ZFAT: variants seen among roughly 807,000 people sequenced by gnomAD.
The protein encoded by ZFAT is zinc finger protein ZFAT.
In ZFAT, 64 loss-of-function variants were observed where a neutral mutation model predicts 117.7. The ratio of observed to expected loss-of-function variants is 0.54; its 90% confidence interval spans 0.44 to 0.67. ZFAT has a LOEUF of 0.67. ZFAT is among the 30% of genes least tolerant of loss of function. The pLI, the probability that ZFAT is intolerant of heterozygous loss-of-function variation, is 0.00. For missense variants in ZFAT, 1,433 were observed against 1,584.5 expected, an observed-to-expected ratio of 0.90 and a Z score of 1.62; for synonymous variants, 679 against 615.0, an observed-to-expected ratio of 1.10 and a Z score of -1.54.
At chr8:134,631,396 C>T (rs906986751) in intron 3 of ZFAT, among the ~76,000 whole-genome samples, 7 of 152,152 alleles carry the variant, frequency 4.6e-5, no homozygotes, top group Non-Finnish European at 8.8e-5. Flanking sequence ...AAGGCACAGA[C>T]GTGATAGAGC....
chr8:134,762,553 A>G, the ZFAT span, among the ~76,000 whole-genome samples: 2 of 151,928 alleles, frequency 1.3e-5, no homozygotes, highest in African/African-American at 4.8e-5. Context: ...TCTTCTCAGT[A>G]TTGTTTGCTA....
At position 134,610,666 on chromosome 8, in the gene ZFAT, A is replaced by G. The variant is rs1428977589; in HGVS notation, c.449-11T>C. 6.2e-7 allele frequency: 1 copy of G among 1,613,494 alleles called. No individual in the cohort carries two copies. Among genetic ancestry groups the G allele is most frequent in the Non-Finnish European group, 8.5e-7 (1 of 1,179,876 alleles). Reference sequence around the variant, plus strand: ...GGTCAGACTCGTTACCTAAGGAGCAAATACCAAGATGCATAAGGTATCCTT... The same window carrying G: ...GGTCAGACTCGTTACCTAAGGAGCAGATACCAAGATGCATAAGGTATCCTT... On this transcript the variant is annotated splice_polypyrimidine_tract_variant and intron_variant, in intron 3 of 15. Transcript: ENST00000377838.
intron 10 of ZFAT, among the ~76,000 whole-genome samples, chr8:134,582,479 C>T (rs1825779974): frequency 1.3e-5 from 2 of 152,206 alleles, no homozygotes; most frequent in Admixed American, 6.5e-5. Flanking sequence ...GGCAGCTGAG[C>T]GGTCAGTAAG....
chr8:134,766,912 G>C, the ZFAT span: 6 of 152,182 alleles, frequency 3.9e-5, no homozygotes, highest in African/African-American at 1.4e-4. Flanking sequence ...ACTACTGAAC[G>C]CTCAACTGCT....
At chr8:134,508,892 C>G (rs1819607106) in intron 15 of ZFAT, among the ~76,000 whole-genome samples, 1 of 152,134 alleles carries the variant, frequency 6.6e-6, no homozygotes, top group Non-Finnish European at 1.5e-5. Context: ...ATATATTTCC[C>G]TGGTTTTGAT....
the ZFAT span, among the ~76,000 whole-genome samples, chr8:134,826,917 C>A: frequency 2.6e-5 from 4 of 152,188 alleles, no homozygotes; most frequent in African/African-American, 9.7e-5. Context: ...GATGATCCAA[C>A]ACCTAACAGT....
At chr8:134,494,738 AAT>A (rs939770066) in intron 15 of ZFAT, among the ~76,000 whole-genome samples, 1 of 152,242 alleles carries the variant, frequency 6.6e-6, no homozygotes, top group African/African-American at 2.4e-5. Flanking sequence ...TTTTGTTTAA[AAT>A]ATGTTTATCA....
chr8:134,639,122 C>G (rs1269320523), intron 2 of ZFAT, among the ~76,000 whole-genome samples: 2 of 152,182 alleles, frequency 1.3e-5, no homozygotes, highest in African/African-American at 4.8e-5. Context: ...CACTTGTGCT[C>G]ACAAATCAGA....
chr8:134,719,080 G>T, the ZFAT span, among the ~76,000 whole-genome samples: 18 of 152,322 alleles, frequency 1.2e-4, no homozygotes, highest in African/African-American at 4.3e-4. Flanking sequence ...AAAGAAACCG[G>T]CTAGAGCAGA....
At position 134,602,818 on chromosome 8, in the gene ZFAT, A is replaced by T. The variant is rs752263323; in HGVS notation, c.901T>A (p.Cys301Ser). 1 of 1,614,168 alleles carries T rather than the reference A, an allele frequency of 6.2e-7. No homozygotes were observed. Among genetic ancestry groups the T allele is most frequent in the Non-Finnish European group, 8.5e-7 (1 of 1,180,030 alleles). ...GCACTGGCATAGCTGCACTGGGGGC[A>T]CTTGTATGGCTTTTCATTGGTGTGG... ...RIHTNEKPYK[C>S]PQCSYASAIK... Residue 301 changes from cysteine to serine, a missense_variant, in exon 6 of 16, where the codon TGC becomes AGC. Cys to Ser is a moderately radical substitution (Grantham distance 112). This residue lies in a region of ZFAT where 436 missense variants were observed against 482.0 expected (regional missense o/e 0.90). Coordinates refer to ENST00000377838, the MANE Select transcript of ZFAT (RefSeq NM_020863.4).
At chr8:134,742,538 C>G in the ZFAT span, among the ~76,000 whole-genome samples, 1 of 152,212 alleles carries the variant, frequency 6.6e-6, no homozygotes, top group Non-Finnish European at 1.5e-5. Context: ...CCATTATCCT[C>G]TGATCAGATT....
At position 134,653,763 on chromosome 8, in the gene ZFAT, T is replaced by C. The variant is rs544191292; in HGVS notation, c.196+3798A>G. ...AAAAAGAAATTAGGAGACATGTCGG[T>C]ACTGAAATGAAGAAATATCCAGTAC... is the stretch of plus-strand genomic sequence containing the variant. On this transcript the variant is annotated intron_variant, in intron 2 of 15. Transcript: ENST00000377838. Among the ~76,000 whole-genome samples the C allele has an allele frequency of 3.0e-3, 454 of 152,318 alleles. 4 individuals carry two copies. Among genetic ancestry groups the C allele is most frequent in the African/African-American group, 0.01 (428 of 41,576 alleles).
chr8:134,634,494 C>G (rs201750459), intron 3 of ZFAT, among the ~76,000 whole-genome samples: 1 of 151,782 alleles, frequency 6.6e-6, no homozygotes. Flanking sequence ...GCTTTCTGGG[C>G]GCAATATTAA....
intron 3 of ZFAT, among the ~76,000 whole-genome samples, chr8:134,628,524 G>A (rs887708283): frequency 5.3e-5 from 8 of 152,210 alleles, no homozygotes; most frequent in Non-Finnish European, 1.2e-4. Flanking sequence ...TAACGCTAGG[G>A]AGACAAGGTG....
chr8:134,735,225 T>C, the ZFAT span, among the ~76,000 whole-genome samples: 4 of 152,304 alleles, frequency 2.6e-5, no homozygotes, highest in Middle Eastern at 6.8e-3. Flanking sequence ...AAAATTTTGT[T>C]GATCTGGGCA....
chr8:134,581,263 G>C (rs1825691647), intron 10 of ZFAT, among the ~76,000 whole-genome samples: 1 of 151,860 alleles, frequency 6.6e-6, no homozygotes, highest in Non-Finnish European at 1.5e-5. Context: ...GCCAGTCCCA[G>C]GCAAAACATG....
rs188291706 is a variant in ZFAT at position 134,654,255 on chromosome 8, A to G, written c.196+3306T>C. Reference sequence around the variant, plus strand: ...CGTTGCAGTGAGCCAAGATCACGCCATTGCACTCCAGCTAGCTAGGTGACA... The same window carrying G: ...CGTTGCAGTGAGCCAAGATCACGCCGTTGCACTCCAGCTAGCTAGGTGACA... On this transcript the variant is annotated intron_variant, in intron 2 of 15. Transcript: ENST00000377838. 1.8e-3 allele frequency among the ~76,000 whole-genome samples: 269 copies of G among 152,286 alleles called. 2 individuals are homozygous for G. Among genetic ancestry groups the G allele is most frequent in the African/African-American group, 6.0e-3 (250 of 41,552 alleles).
At chr8:134,504,889 C>T (rs1819276509) in intron 15 of ZFAT, among the ~76,000 whole-genome samples, 1 of 152,098 alleles carries the variant, frequency 6.6e-6, no homozygotes. Context: ...GCTCCTGTAC[C>T]CACTCCTGCC....
chr8:134,573,025 G>A (rs1236196041), intron 10 of ZFAT, among the ~76,000 whole-genome samples: 1 of 152,216 alleles, frequency 6.6e-6, no homozygotes, highest in African/African-American at 2.4e-5. Context: ...ACTCTATGAA[G>A]TTCAAAGACA....
Sources: gnomAD v4.1 joint callset for allele counts (sites outside exome capture counted in the v4.1 genomes callset) on GRCh38, gnomAD v4.1.1 for gene constraint, gnomAD v4.1.1 regional missense constraint, MANE v1.5 for transcripts, NCBI Gene and HGNC (gene_info 2026-07-23, HGNC 2026-07-21) for gene names.